ITGB6: variants seen among roughly 807,000 people sequenced by gnomAD.
The protein encoded by ITGB6 is integrin beta-6.
ITGB6 carries 80 observed loss-of-function variants against 84.5 expected under a neutral mutation model. The ratio of observed to expected loss-of-function variants is 0.95; its 90% CI spans 0.79 to 1.14. ITGB6 has a LOEUF of 1.14. Ranked by LOEUF, ITGB6 falls within the 50% of genes most tolerant of loss-of-function variation. The probability of loss-of-function intolerance (pLI) is 0.00; values close to 1 mark genes in which losing one functional copy is unlikely to be tolerated. For synonymous variants in ITGB6, 383 were observed against 354.9 expected, an observed-to-expected ratio of 1.08 and a Z score of -0.89; for missense variants, 1,006 against 968.0, an observed-to-expected ratio of 1.04 and a Z score of -0.52.
At position 160,100,716 on chromosome 2, in the gene ITGB6, T is replaced by G. The variant is rs1386003982; in HGVS notation, c.*1020A>C. On this transcript the variant is annotated 3_prime_UTR_variant, in exon 15 of 15. Transcript: ENST00000283249. The stretch of plus-strand genomic sequence containing the variant: ...ATATTCACCACATGCAGCTGAAATG[T>G]GCAAGTTGGGTTACATAGATGGGAA... 6.6e-6 allele frequency: 1 copy of G among 152,242 alleles called. No homozygotes were observed. Among genetic ancestry groups the G allele is most frequent in the Non-Finnish European group, 1.5e-5 (1 of 68,034 alleles). 9.4% of individuals were successfully genotyped at this position (152,242 alleles called of 1,614,324 possible).
chr2:160,195,139 A>G (rs1383065279), intron 4 of ITGB6, among the ~76,000 whole-genome samples: 2 of 152,150 alleles, frequency 1.3e-5, no homozygotes, highest in Non-Finnish European at 2.9e-5. Context: ...ATCCTGCCCT[A>G]TACTGGGAGG....
At chr2:160,143,971 C>T (rs1559147420) in intron 7 of ITGB6, among the ~76,000 whole-genome samples, 2 of 152,160 alleles carry the variant, frequency 1.3e-5, no homozygotes, top group Non-Finnish European at 2.9e-5. Context: ...TAATGTTCCT[C>T]TTATTTCAGT....
Position 160,101,176 on chromosome 2 carries a change from A to G in ITGB6, c.*560T>C, listed in dbSNP as rs1696704696. Reference sequence around the variant, plus strand: ...TTTAGGTGTGTATAAATTCACAAAAATTATTAACACTTAACTTTCAACCTT... The same window carrying G: ...TTTAGGTGTGTATAAATTCACAAAAGTTATTAACACTTAACTTTCAACCTT... On this transcript the variant is annotated 3_prime_UTR_variant, in exon 15 of 15. Transcript: ENST00000283249. 1.3e-5 allele frequency: 2 copies of G among 152,434 alleles called. No individual in the cohort carries two copies. The highest frequency in any genetic ancestry group is 4.8e-5 in the African/African-American group (2 of 41,448). The allele number at this position is 152,434 out of a possible 1,614,324, so 9.4% of individuals were successfully genotyped here.
intron 4 of ITGB6, among the ~76,000 whole-genome samples, chr2:160,187,425 A>G (rs1292513348): frequency 6.6e-6 from 1 of 152,198 alleles, no homozygotes; most frequent in African/African-American, 2.4e-5. Flanking sequence ...TTTACCTGTT[A>G]TCTACTATCA....
At chr2:160,123,256 G>A (rs1182447096) in intron 12 of ITGB6, among the ~76,000 whole-genome samples, 1 of 152,180 alleles carries the variant, frequency 6.6e-6, no homozygotes, top group African/African-American at 2.4e-5. Context: ...TGAGGCAACA[G>A]GGAATTGAGG....
At chr2:160,135,686 G>A (rs4027257) in intron 10 of ITGB6, among the ~76,000 whole-genome samples, 3 of 151,662 alleles carry the variant, frequency 2.0e-5, no homozygotes, top group Admixed American at 2.0e-4. Flanking sequence ...AAACAGCATG[G>A]TACTGGTACC....
chr2:160,115,822 C>T (rs923681118), intron 12 of ITGB6, among the ~76,000 whole-genome samples: 1 of 152,102 alleles, frequency 6.6e-6, no homozygotes, highest in Non-Finnish European at 1.5e-5. Context: ...CTTAAAGGAG[C>T]TGATGGAGCT....
At chr2:160,103,995 A>T (rs1213193346) in intron 14 of ITGB6, among the ~76,000 whole-genome samples, 1 of 152,242 alleles carries the variant, frequency 6.6e-6, no homozygotes, top group East Asian at 1.9e-4. Context: ...AGTTGACAAG[A>T]TAACACAATG....
chr2:160,175,475 C>T (rs1224126960), intron 4 of ITGB6, among the ~76,000 whole-genome samples: 2 of 152,192 alleles, frequency 1.3e-5, no homozygotes, highest in African/African-American at 4.8e-5. Context: ...GGTGCTCTGC[C>T]TTCTTATTTC....
intron 10 of ITGB6, among the ~76,000 whole-genome samples, chr2:160,133,378 A>T (rs1455035400): frequency 6.6e-6 from 1 of 152,164 alleles, no homozygotes; most frequent in African/African-American, 2.4e-5. Flanking sequence ...ATTTATACGC[A>T]CCCAGTACAG....
rs1216846730 is a variant in ITGB6, at chr2:160,100,200, CTT to C, written c.*1534_*1535del. ...GATCTATCTTGTAGAATTGAAGAAACTTATAGATTTTGCTGTGACAATTCAAT... is the reference window on the plus strand; with the variant it reads ...GATCTATCTTGTAGAATTGAAGAAACATAGATTTTGCTGTGACAATTCAAT... On this transcript the variant is annotated 3_prime_UTR_variant, in exon 15 of 15. Transcript: ENST00000283249. 1 of 152,160 alleles carries C rather than the reference CTT, an allele frequency of 6.6e-6. No homozygotes were observed. The highest frequency in any genetic ancestry group is 2.4e-5 in the African/African-American group (1 of 41,438). 9.4% of individuals were successfully genotyped at this position (152,160 alleles called of 1,614,324 possible). A position where few individuals can be genotyped will look rare whatever the true frequency, so the allele number is the denominator to read the frequency against.
At chr2:160,152,452 A>G (rs1423058197) in intron 7 of ITGB6, among the ~76,000 whole-genome samples, 2 of 152,246 alleles carry the variant, frequency 1.3e-5, no homozygotes, top group Non-Finnish European at 2.9e-5. Context: ...GTATCTCAAA[A>G]TAATAAGAGC....
intron 12 of ITGB6, among the ~76,000 whole-genome samples, chr2:160,121,527 G>A (rs1008141466): frequency 6.6e-6 from 1 of 152,204 alleles, no homozygotes. Context: ...GTGCATGCCT[G>A]TAATCCCAGC....
intron 14 of ITGB6, 62 bp from the exon 15 acceptor site, chr2:160,101,896 A>G: frequency 1.1e-6 from 1 of 881,124 alleles, no homozygotes; most frequent in Admixed American, 2.1e-5. Context: ...CTGTTTTAAT[A>G]CGTAGTGCAA....
chr2:160,129,392 CAAAAAAAA>C (rs374921878), intron 10 of ITGB6, among the ~76,000 whole-genome samples: 2 of 126,822 alleles, frequency 1.6e-5, no homozygotes, highest in African/African-American at 6.0e-5. Flanking sequence ...TACTTTTCTT[CAAAAAAAA>C]AAAAAAAAAA....
At chr2:160,134,492 A>T (rs1001832435) in intron 10 of ITGB6, among the ~76,000 whole-genome samples, 1 of 152,224 alleles carries the variant, frequency 6.6e-6, no homozygotes, top group Non-Finnish European at 1.5e-5. Context: ...AGGAGCTGGT[A>T]CCATTCCTTC....
At chr2:160,181,882 A>T (rs970829037) in intron 4 of ITGB6, among the ~76,000 whole-genome samples, 2 of 152,218 alleles carry the variant, frequency 1.3e-5, no homozygotes, top group African/African-American at 4.8e-5. Flanking sequence ...ACTTCAGCAG[A>T]CCTGCAGCAG....
chr2:160,181,351 C>T (rs1266985209), intron 4 of ITGB6, among the ~76,000 whole-genome samples: 3 of 152,218 alleles, frequency 2.0e-5, no homozygotes, highest in African/African-American at 7.2e-5. Flanking sequence ...TTTCCCCTCA[C>T]AGTGTAAACA....
intron 3 of ITGB6, among the ~76,000 whole-genome samples, chr2:160,195,843 G>A (rs1686313710): frequency 6.6e-6 from 1 of 152,160 alleles, no homozygotes; most frequent in Admixed American, 6.5e-5. Flanking sequence ...ATCTCTCCTT[G>A]GGAGAACTAG....
Sources: allele counts gnomAD v4.1 joint callset (sites outside exome capture counted in the v4.1 genomes callset), GRCh38; gene constraint gnomAD v4.1.1; transcripts MANE v1.5; gene names NCBI Gene and HGNC (gene_info 2026-07-23, HGNC 2026-07-21).